The following B3GAT2 variants were observed in gnomAD, a reference collection of about 807,000 sequenced individuals.
B3GAT2 encodes galactosylgalactosylxylosylprotein 3-beta-glucuronosyltransferase 2.
A neutral mutation model predicts 27.8 loss-of-function variants in B3GAT2; 26 were observed. The ratio of observed to expected loss-of-function variants is 0.93; its 90% CI spans 0.68 to 1.30. The LOEUF (loss-of-function observed/expected upper bound fraction) is 1.30. B3GAT2 is among the 50% of genes most tolerant of loss of function. The probability of loss-of-function intolerance (pLI) is 0.00; values close to 1 mark genes in which losing one functional copy is unlikely to be tolerated. For missense variants in B3GAT2, 458 were observed against 459.0 expected (o/e 1.00, Z 0.02); for synonymous variants, 218 against 195.1 (o/e 1.12, Z -0.98).
chr6:70,876,769 A>G (rs919556574), intron 2 of B3GAT2, among the ~76,000 whole-genome samples: 4 of 152,220 alleles, frequency 2.6e-5, no homozygotes, highest in Non-Finnish European at 5.9e-5. Context: ...ACAATACTGA[A>G]TGTGGTCTCT....
chr6:70,881,201 A>G (rs780090592), intron 2 of B3GAT2, among the ~76,000 whole-genome samples: 12 of 152,138 alleles, frequency 7.9e-5, no homozygotes, highest in Admixed American at 2.0e-4. Flanking sequence ...TCACCCTCTC[A>G]CATGAGGTTA....
intron 2 of B3GAT2, among the ~76,000 whole-genome samples, chr6:70,884,180 C>T (rs1387019845): frequency 6.6e-6 from 1 of 151,700 alleles, no homozygotes; most frequent in Non-Finnish European, 1.5e-5. Flanking sequence ...CTCTTTGCTC[C>T]TAGGTGGAGC....
At chr6:70,880,739 C>T (rs1435129599) in intron 2 of B3GAT2, among the ~76,000 whole-genome samples, 1 of 151,766 alleles carries the variant, frequency 6.6e-6, no homozygotes, top group Non-Finnish European at 1.5e-5. Flanking sequence ...GATCTCAGCT[C>T]ACTGTAACCT....
intron 1 of B3GAT2, among the ~76,000 whole-genome samples, chr6:70,896,917 T>C (rs940122541): frequency 1.3e-5 from 2 of 152,220 alleles, no homozygotes; most frequent in African/African-American, 2.4e-5. Context: ...TTTTTTAAGA[T>C]AAATACATAG....
At chr6:70,928,876 T>C (rs1216733103) in intron 1 of B3GAT2, among the ~76,000 whole-genome samples, 1 of 152,138 alleles carries the variant, frequency 6.6e-6, no homozygotes, top group Non-Finnish European at 1.5e-5. Flanking sequence ...ACCCAAAGGA[T>C]TATAAATCAT....
At position 70,956,180 on chromosome 6, in the gene B3GAT2, C is replaced by T. The variant is rs1765653548; in HGVS notation, c.250G>A (p.Ala84Thr). The change falls in exon 1 of 4, where the codon GCC (alanine) becomes ACC (threonine). Residue 84 changes from alanine to threonine, a missense_variant. Transcript: ENST00000230053. The stretch of plus-strand genomic sequence containing the variant: ...GGGCGGCTGTAGGTGGGCGTGATGG[C>T]ATAGATGGTGGGCAGCTGCGGCTCC... ...QPEPQLPTIYAITPTYSRPVQ... is the reference protein window; with the variant it reads ...QPEPQLPTIYTITPTYSRPVQ... 6.2e-7 allele frequency: 1 copy of T among 1,611,074 alleles called. No individual in the cohort carries two copies. Among genetic ancestry groups the T allele is most frequent in the South Asian group, 1.1e-5 (1 of 90,652 alleles).
At chr6:70,880,654 ATT>A (rs372247659) in intron 2 of B3GAT2, among the ~76,000 whole-genome samples, 6 of 141,764 alleles carry the variant, frequency 4.2e-5, no homozygotes, top group Admixed American at 7.0e-5. Context: ...CAGCTGGCTA[ATT>A]TTTTTTTTTT....
intron 2 of B3GAT2, among the ~76,000 whole-genome samples, chr6:70,863,364 C>T (rs1383714890): frequency 1.3e-5 from 2 of 152,202 alleles, no homozygotes; most frequent in African/African-American, 2.4e-5. Context: ...ACCCTGCTGC[C>T]TTTTGGAGAA....
Position 70,857,984 on chromosome 6 carries a change from T to G in B3GAT2, c.*3679A>C. ...ACAAGCACCAGCTGCATTTCAGGGC[T>G]TTCCATCGATGGGCGTGCCTGTGCC... On this transcript the variant is annotated 3_prime_UTR_variant, in exon 4 of 4. Coordinates refer to ENST00000230053, the MANE Select transcript of B3GAT2 (RefSeq NM_080742.3). 6.2e-7 allele frequency: 1 copy of G among 1,614,172 alleles called. No homozygotes were observed. The highest frequency in any genetic ancestry group is 8.5e-7 in the Non-Finnish European group (1 of 1,180,004).
intron 1 of B3GAT2, among the ~76,000 whole-genome samples, chr6:70,949,403 C>G (rs963097261): frequency 1.3e-5 from 2 of 152,174 alleles, no homozygotes; most frequent in Non-Finnish European, 2.9e-5. Context: ...AGGACATGAA[C>G]AGACACTTCT....
chr6:70,915,902 A>G (rs1772765408), intron 1 of B3GAT2, among the ~76,000 whole-genome samples: 1 of 152,138 alleles, frequency 6.6e-6, no homozygotes, highest in South Asian at 2.1e-4. Flanking sequence ...TTTTGGTTCC[A>G]TATGAGCTTT....
At chr6:70,919,286 T>C (rs2150041523) in intron 1 of B3GAT2, among the ~76,000 whole-genome samples, 1 of 152,358 alleles carries the variant, frequency 6.6e-6, no homozygotes, top group East Asian at 1.9e-4. Flanking sequence ...TATTGTATTC[T>C]AGTTAGCCAT....
intron 1 of B3GAT2, among the ~76,000 whole-genome samples, chr6:70,895,610 A>G (rs1772369826): frequency 1.4e-5 from 2 of 145,804 alleles, no homozygotes; most frequent in African/African-American, 2.6e-5. Flanking sequence ...GGTTCAAGTA[A>G]TTCTCCTGCC....
intron 1 of B3GAT2, among the ~76,000 whole-genome samples, chr6:70,926,100 A>G (rs1215434025): frequency 6.6e-6 from 1 of 152,220 alleles, no homozygotes; most frequent in African/African-American, 2.4e-5. Flanking sequence ...TAGAAGGAAA[A>G]CTAACAAAGC....
At chr6:70,873,393 T>TA (rs751306437) in intron 2 of B3GAT2, among the ~76,000 whole-genome samples, 7 of 152,064 alleles carry the variant, frequency 4.6e-5, no homozygotes, top group African/African-American at 7.2e-5. Context: ...CACTGCCTTC[T>TA]AGCTTCTGTG....
At chr6:70,876,842 C>CTA (rs1772022333) in intron 2 of B3GAT2, among the ~76,000 whole-genome samples, 1 of 152,112 alleles carries the variant, frequency 6.6e-6, no homozygotes, top group Non-Finnish European at 1.5e-5. Flanking sequence ...GCCACAGATG[C>CTA]TATAAAAGGT....
chr6:70,906,673 T>C (rs886235787), intron 1 of B3GAT2, among the ~76,000 whole-genome samples: 5 of 152,170 alleles, frequency 3.3e-5, no homozygotes, highest in African/African-American at 1.2e-4. Context: ...ACACTCCTAC[T>C]TTTTCCTCAT....
chr6:70,932,833 A>C (rs1336219715), intron 1 of B3GAT2, among the ~76,000 whole-genome samples: 2 of 152,200 alleles, frequency 1.3e-5, no homozygotes, highest in Admixed American at 1.3e-4. Flanking sequence ...ACAGGGTCTC[A>C]GTCTATCATC....
At chr6:70,896,669 T>C (rs1449075601) in intron 1 of B3GAT2, among the ~76,000 whole-genome samples, 1 of 152,236 alleles carries the variant, frequency 6.6e-6, no homozygotes, top group East Asian at 1.9e-4. Flanking sequence ...AATGTGTGTA[T>C]GTGTAAATAT....
Sources: allele counts gnomAD v4.1 joint callset (sites outside exome capture counted in the v4.1 genomes callset), GRCh38; gene constraint gnomAD v4.1.1; transcripts MANE v1.5; gene names NCBI Gene and HGNC (gene_info 2026-07-23, HGNC 2026-07-21).